Variants in ZBTB20 observed in about 807,000 individuals in gnomAD.
The protein encoded by ZBTB20 is zinc finger and BTB domain-containing protein 20.
In ZBTB20, 9 loss-of-function variants were observed where a neutral mutation model predicts 56.9. That is an observed-to-expected ratio of 0.16 (90% CI 0.10 to 0.28). ZBTB20 has a LOEUF of 0.28. Among genes scored for constraint, ZBTB20 ranks in the 10% least tolerant of loss-of-function variants. The probability of loss-of-function intolerance (pLI) is 1.00; values close to 1 mark genes in which losing one functional copy is unlikely to be tolerated. For synonymous variants in ZBTB20, 417 were observed against 420.7 expected, an observed-to-expected ratio of 0.99 and a Z score of 0.11; for missense variants, 655 against 1,003.0, an observed-to-expected ratio of 0.65 and a Z score of 4.69.
intron 6 of ZBTB20, among the ~76,000 whole-genome samples, chr3:114,622,317 G>A (rs1013243559): frequency 6.6e-6 from 1 of 151,428 alleles, no homozygotes; most frequent in African/African-American, 2.4e-5. Flanking sequence ...TTTTTCTTTA[G>A]AAAACAAGAT....
intron 6 of ZBTB20, among the ~76,000 whole-genome samples, chr3:114,603,009 A>G (rs1315139242): frequency 6.6e-6 from 1 of 152,030 alleles, no homozygotes; most frequent in African/African-American, 2.4e-5. Flanking sequence ...TATTCTATGC[A>G]CTATTTAATG....
chr3:114,756,133 T>C (rs1019250960), intron 5 of ZBTB20, among the ~76,000 whole-genome samples: 11 of 152,260 alleles, frequency 7.2e-5, no homozygotes, highest in African/African-American at 7.2e-5. Flanking sequence ...AATTCCCTTA[T>C]TGGTGCAATA....
At chr3:114,390,965 G>A (rs1187926473) in intron 7 of ZBTB20, among the ~76,000 whole-genome samples, 2 of 149,668 alleles carry the variant, frequency 1.3e-5, no homozygotes, top group African/African-American at 5.0e-5. Context: ...TGGGCCTACA[G>A]CTGGGGAGTC....
At chr3:114,577,590 G>A (rs536841866) in intron 6 of ZBTB20, among the ~76,000 whole-genome samples, 1 of 152,280 alleles carries the variant, frequency 6.6e-6, no homozygotes, top group East Asian at 1.9e-4. Context: ...TCTGGATCTA[G>A]AATCACATCG....
intron 2 of ZBTB20, among the ~76,000 whole-genome samples, chr3:114,976,887 T>G (rs1338783128): frequency 6.6e-6 from 1 of 152,052 alleles, no homozygotes; most frequent in Non-Finnish European, 1.5e-5. Context: ...AAAGACACAA[T>G]TTTCAGTTCA....
chr3:114,942,283 T>C (rs2076746832), intron 3 of ZBTB20, among the ~76,000 whole-genome samples: 1 of 146,070 alleles, frequency 6.8e-6, no homozygotes, highest in South Asian at 2.1e-4. Context: ...TTGGTGATTT[T>C]TCAATATCAG....
chr3:115,131,785 A>G (rs1449031894), intron 1 of ZBTB20, among the ~76,000 whole-genome samples: 1 of 152,206 alleles, frequency 6.6e-6, no homozygotes, highest in African/African-American at 2.4e-5. Flanking sequence ...AAATGGGAAT[A>G]TACTTTCATT....
intron 6 of ZBTB20, among the ~76,000 whole-genome samples, chr3:114,591,534 GAA>G (rs983086908): frequency 9.9e-5 from 15 of 152,164 alleles, no homozygotes; most frequent in Non-Finnish European, 2.9e-5. Flanking sequence ...GTGGAAAAAA[GAA>G]GACAATCCCA....
intron 10 of ZBTB20, among the ~76,000 whole-genome samples, chr3:114,365,235 A>G (rs1224185181): frequency 1.3e-5 from 2 of 152,154 alleles, no homozygotes; most frequent in African/African-American, 4.8e-5. Context: ...TAGCCTTTCT[A>G]TTCAAGTGGG....
At chr3:114,542,338 A>C (rs1350997583) in intron 6 of ZBTB20, among the ~76,000 whole-genome samples, 3 of 152,204 alleles carry the variant, frequency 2.0e-5, no homozygotes, top group Non-Finnish European at 4.4e-5. Flanking sequence ...AAAGTTATAA[A>C]TCATAAATAT....
At chr3:114,519,105 A>G (rs1378548701) in intron 6 of ZBTB20, 3 of 152,186 alleles carry the variant, frequency 2.0e-5, no homozygotes, top group African/African-American at 7.2e-5. Flanking sequence ...CATTCCCTTC[A>G]AGACCTAATA....
chr3:115,144,473 GACA>G (rs938687344), intron 1 of ZBTB20, among the ~76,000 whole-genome samples: 10 of 151,982 alleles, frequency 6.6e-5, no homozygotes, highest in African/African-American at 9.7e-5. Flanking sequence ...TTATTAACAG[GACA>G]ACAAGAGGAA....
intron 10 of ZBTB20, among the ~76,000 whole-genome samples, chr3:114,378,009 A>C (rs572200783): frequency 9.8e-5 from 15 of 152,340 alleles, no homozygotes; most frequent in African/African-American, 3.6e-4. Context: ...AATGCCCCAA[A>C]TCTGTTAGTT....
chr3:114,851,816 T>C (rs1306720770), intron 4 of ZBTB20, among the ~76,000 whole-genome samples: 2 of 152,156 alleles, frequency 1.3e-5, no homozygotes, highest in Non-Finnish European at 2.9e-5. Flanking sequence ...TGGATATTCC[T>C]CCGAACACTG....
chr3:114,984,961 T>C (rs1238272068), intron 2 of ZBTB20, among the ~76,000 whole-genome samples: 2 of 152,060 alleles, frequency 1.3e-5, no homozygotes, highest in Non-Finnish European at 2.9e-5. Context: ...TTCTCCCAGA[T>C]CATTTCATGA....
intron 6 of ZBTB20, among the ~76,000 whole-genome samples, chr3:114,554,622 C>T (rs1307588301): frequency 6.6e-6 from 1 of 152,138 alleles, no homozygotes; most frequent in East Asian, 1.9e-4. Context: ...TCAAATCCTT[C>T]TAGTATTTCT....
intron 2 of ZBTB20, among the ~76,000 whole-genome samples, chr3:115,009,992 G>A (rs567381422): frequency 5.6e-4 from 85 of 151,978 alleles, no homozygotes; most frequent in African/African-American, 1.9e-3. Context: ...ACTAAGTGCC[G>A]ACTTATTCGA....
intron 7 of ZBTB20, among the ~76,000 whole-genome samples, chr3:114,406,765 T>A (rs1422044029): frequency 6.6e-6 from 1 of 152,116 alleles, no homozygotes; most frequent in African/African-American, 2.4e-5. Context: ...CTATATTTTT[T>A]CAAACTGAAA....
intron 6 of ZBTB20, among the ~76,000 whole-genome samples, chr3:114,668,789 T>C (rs1399205887): frequency 6.6e-6 from 1 of 152,018 alleles, no homozygotes; most frequent in Non-Finnish European, 1.5e-5. Context: ...AAAATATACA[T>C]CTATGCAGAA....
Sources: gnomAD v4.1 joint callset for allele counts (sites outside exome capture counted in the v4.1 genomes callset) on GRCh38, gnomAD v4.1.1 for gene constraint, MANE v1.5 for transcripts, NCBI Gene and HGNC (gene_info 2026-07-23, HGNC 2026-07-21) for gene names.